Variants in CDH18 observed in about 807,000 individuals in gnomAD.
CDH18 encodes the protein cadherin 18, also known as cadherin-18.
Under a neutral mutation model 67.9 loss-of-function variants are expected in CDH18, and 31 were observed. That is an observed-to-expected ratio of 0.46 (90% CI 0.34 to 0.62). The LOEUF (loss-of-function observed/expected upper bound fraction) is 0.62. CDH18 is among the 20% of genes least tolerant of loss of function. CDH18 has a pLI of 0.01. For synonymous variants in CDH18, 362 were observed against 347.2 expected (o/e 1.04, Z -0.48); for missense variants, 890 against 975.5 (o/e 0.91, Z 1.17).
rs58319680 is a variant in CDH18, at chr5:19,962,395, A to AAAAAAAAAAAAAAAAT, written c.-257+18664_-257+18665insATTTTTTTTTTTTTTT. On this transcript the variant is annotated intron_variant, in intron 2 of 12. Coordinates refer to ENST00000382275, the MANE Select transcript of CDH18 (RefSeq NM_004934.5). ...TCAAAAAGCAAAAAAAAAAAAAAAA[A>AAAAAAAAAAAAAAAAT]AGAAAATTCAATTCCTTTAAGAATA... 8.6e-3 allele frequency among the ~76,000 whole-genome samples: 1,010 copies of AAAAAAAAAAAAAAAAT among 116,906 alleles called. 6 individuals are homozygous for AAAAAAAAAAAAAAAAT. Among genetic ancestry groups the AAAAAAAAAAAAAAAAT allele is most frequent in the Middle Eastern group, 0.016 (3 of 182 alleles). 76.7% of individuals were successfully genotyped at this position (116,906 alleles called of 152,430 possible).
At chr5:19,700,861 C>A (rs953048247) in intron 5 of CDH18, among the ~76,000 whole-genome samples, 1 of 151,192 alleles carries the variant, frequency 6.6e-6, no homozygotes, top group South Asian at 2.1e-4. Context: ...TAGTTACTAT[C>A]TGATTCAGAG....
chr5:20,006,122 T>C (rs1736883834), intron 2 of CDH18, among the ~76,000 whole-genome samples: 1 of 151,900 alleles, frequency 6.6e-6, no homozygotes, highest in Non-Finnish European at 1.5e-5. Context: ...GGTAAGTATA[T>C]AGATTTCATT....
chr5:19,856,037 T>C (rs1034999048), intron 2 of CDH18, among the ~76,000 whole-genome samples: 3 of 152,202 alleles, frequency 2.0e-5, no homozygotes, highest in African/African-American at 2.4e-5. Context: ...CTAATAATTA[T>C]CTAGAGCTTC....
intron 3 of CDH18, among the ~76,000 whole-genome samples, chr5:19,760,410 C>A (rs1414413073): frequency 6.6e-6 from 1 of 152,156 alleles, no homozygotes; most frequent in Non-Finnish European, 1.5e-5. Context: ...TGGATCTCTT[C>A]CTCTACAACC....
At chr5:19,558,498 C>T (rs1580200306) in intron 8 of CDH18, among the ~76,000 whole-genome samples, 1 of 151,836 alleles carries the variant, frequency 6.6e-6, no homozygotes, top group East Asian at 1.9e-4. Context: ...AAAGAGCATT[C>T]TAGGCTATTA....
chr5:20,503,909 G>T (rs1220997167), intron 1 of CDH18, among the ~76,000 whole-genome samples: 1 of 151,890 alleles, frequency 6.6e-6, no homozygotes, highest in Middle Eastern at 3.2e-3. Context: ...GTGGTGGCAG[G>T]CGCCTGTAGT....
chr5:19,931,137 CATTTAAGAATT>C (rs1793646479), intron 2 of CDH18, among the ~76,000 whole-genome samples: 1 of 151,940 alleles, frequency 6.6e-6, no homozygotes, highest in African/African-American at 2.4e-5. Context: ...AATTTTGTCA[CATTTAAGAATT>C]ATTTAAGAAT....
intron 3 of CDH18, among the ~76,000 whole-genome samples, chr5:19,837,606 C>CT (rs1561409381): frequency 6.6e-6 from 1 of 151,830 alleles, no homozygotes; most frequent in Non-Finnish European, 1.5e-5. Context: ...TGTTTTAGAT[C>CT]TTTTTTTATG....
At chr5:19,522,479 T>C (rs1303639720) in intron 9 of CDH18, among the ~76,000 whole-genome samples, 2 of 152,102 alleles carry the variant, frequency 1.3e-5, no homozygotes, top group African/African-American at 2.4e-5. Flanking sequence ...ACCATCCAGA[T>C]TGATGGTATT....
intron 2 of CDH18, among the ~76,000 whole-genome samples, chr5:20,064,851 A>C (rs1417560550): frequency 6.6e-6 from 1 of 152,068 alleles, no homozygotes; most frequent in East Asian, 1.9e-4. Flanking sequence ...ATATGTTTGC[A>C]AGATATGAAA....
rs1380605963 is a variant in CDH18, at chr5:20,245,523, T to C, written c.-518+9921A>G. ...GATCTAGATTGAGTTGTTTAATAAG[T>C]TCTTCTCTGAAGAAATCAGAAAAGT... On this transcript the variant is annotated intron_variant, in intron 2 of 14. Coordinates refer to the CDH18 transcript ENST00000507958. 2.0e-5 allele frequency among the ~76,000 whole-genome samples: 3 copies of C among 152,084 alleles called. No individual in the cohort carries two copies. The East Asian group carries it at 5.8e-4, about 29-fold the overall frequency.
intron 5 of CDH18, among the ~76,000 whole-genome samples, chr5:19,686,479 G>T (rs1761109350): frequency 6.6e-6 from 1 of 152,066 alleles, no homozygotes; most frequent in Non-Finnish European, 1.5e-5. Context: ...TATGGATGTT[G>T]GTGGCTCATT....
chr5:19,718,765 T>C (rs1257504407), intron 5 of CDH18, among the ~76,000 whole-genome samples: 1 of 151,970 alleles, frequency 6.6e-6, no homozygotes, highest in Non-Finnish European at 1.5e-5. Flanking sequence ...AGTGGAGGCA[T>C]GTACTTTATT....
rs139351684 is a variant in CDH18 at position 20,108,457 on chromosome 5, C to T, written c.-517-116443G>A. 2.9e-3 allele frequency among the ~76,000 whole-genome samples: 434 copies of T among 152,170 alleles called. 4 individuals are homozygous for T. Among genetic ancestry groups the T allele is most frequent in the African/African-American group, 9.8e-3 (406 of 41,526 alleles). On this transcript the variant is annotated intron_variant, in intron 2 of 14. Transcript: ENST00000507958. ...TTCGAGGAACTAGGGGTTAGGACTC[C>T]GATGTGTGAATTTCAGGTAGACGCA...
intron 1 of CDH18, among the ~76,000 whole-genome samples, chr5:20,488,882 A>G (rs1275158819): frequency 6.6e-6 from 1 of 151,994 alleles, no homozygotes; most frequent in African/African-American, 2.4e-5. Flanking sequence ...AATGCAACAA[A>G]GAACCTGCGG....
intron 2 of CDH18, among the ~76,000 whole-genome samples, chr5:20,036,564 G>T (rs1055998432): frequency 3.3e-5 from 5 of 151,994 alleles, no homozygotes; most frequent in Non-Finnish European, 7.4e-5. Flanking sequence ...CACAAGCAAC[G>T]TTATGCTTAA....
chr5:20,403,350 T>C (rs1745943044), intron 1 of CDH18, among the ~76,000 whole-genome samples: 1 of 152,144 alleles, frequency 6.6e-6, no homozygotes. Context: ...TGTGTGTCAC[T>C]GGAGTTTGGT....
intron 3 of CDH18, among the ~76,000 whole-genome samples, chr5:19,810,574 A>C (rs1778530016): frequency 6.6e-6 from 1 of 152,020 alleles, no homozygotes; most frequent in Admixed American, 6.6e-5. Context: ...ACAAGAACAA[A>C]GCAAATCAAT....
At chr5:19,539,910 C>A (rs1458686447) in intron 9 of CDH18, among the ~76,000 whole-genome samples, 3 of 152,192 alleles carry the variant, frequency 2.0e-5, no homozygotes, top group Admixed American at 2.0e-4. Context: ...ACTCCTGGCC[C>A]CTCCCACAAC....
Sources: gnomAD v4.1 joint callset for allele counts (sites outside exome capture counted in the v4.1 genomes callset) on GRCh38, gnomAD v4.1.1 for gene constraint, MANE v1.5 for transcripts, NCBI Gene and HGNC (gene_info 2026-07-23, HGNC 2026-07-21) for gene names.